NFATC2: variants seen among roughly 807,000 people sequenced by gnomAD.
The protein encoded by NFATC2 is nuclear factor of activated T-cells, cytoplasmic 2.
NFATC2 carries 22 observed loss-of-function variants against 87.3 expected under a neutral mutation model. The ratio of observed to expected loss-of-function variants is 0.25; its 90% CI spans 0.18 to 0.36. NFATC2 has a LOEUF of 0.36. Among genes scored for constraint, NFATC2 ranks in the 10% least tolerant of loss-of-function variants. The pLI is 1.00. For missense variants in NFATC2, 1,149 were observed against 1,259.1 expected (o/e 0.91, Z 1.32); for synonymous variants, 565 against 542.2 (o/e 1.04, Z -0.58).
chr20:51,473,639 C>T (rs566493501), intron 5 of NFATC2, among the ~76,000 whole-genome samples: 1 of 152,206 alleles, frequency 6.6e-6, no homozygotes, highest in Non-Finnish European at 1.5e-5. Context: ...GGGCACCATG[C>T]ACAGCAAACT....
Position 51,387,146 on chromosome 20 carries a change from G to A in NFATC2, c.*4350C>T, listed in dbSNP as rs905942927. On this transcript the variant is annotated 3_prime_UTR_variant, in exon 11 of 11. Transcript: ENST00000371564. ...TAAGCCTGCCAGCACCACCATGTTG[G>A]AGAGACCTGTTTGTTGGAGAATTGG... The A allele has an allele frequency of 2.0e-5, 3 of 152,216 alleles. No individual in the cohort carries two copies. The highest frequency in any genetic ancestry group is 7.2e-5 in the African/African-American group (3 of 41,442). The allele number at this position is 152,216 out of a possible 1,614,324, so 9.4% of individuals were successfully genotyped here. A position where few individuals can be genotyped will look rare whatever the true frequency, so the allele number is the denominator to read the frequency against.
intron 6 of NFATC2, among the ~76,000 whole-genome samples, chr20:51,436,096 G>C (rs1192493561): frequency 6.6e-6 from 1 of 152,086 alleles, no homozygotes; most frequent in Non-Finnish European, 1.5e-5. Flanking sequence ...AGATACTGAG[G>C]ACTAATGTAG....
At chr20:51,476,255 G>C (rs1988708950) in intron 3 of NFATC2, among the ~76,000 whole-genome samples, 1 of 118,964 alleles carries the variant, frequency 8.4e-6, no homozygotes, top group Non-Finnish European at 1.6e-5. Flanking sequence ...AGGCCCCAGT[G>C]TGTGATGTTC....
At chr20:51,561,484 A>AAAGAAAGAAAGAAAGAAAGC (rs2077029945) in intron 1 of NFATC2, among the ~76,000 whole-genome samples, 3 of 90,054 alleles carry the variant, frequency 3.3e-5, no homozygotes, top group Non-Finnish European at 6.6e-5. Flanking sequence ...AGAAAGAAAG[A>AAAGAAAGAAAGAAAGAAAGC]AAGCAAGCAA....
intron 9 of NFATC2, among the ~76,000 whole-genome samples, chr20:51,415,991 G>A (rs1979989201): frequency 6.6e-6 from 1 of 152,162 alleles, no homozygotes; most frequent in Non-Finnish European, 1.5e-5. Context: ...GCCAGGTGTG[G>A]TGACTCGTGC....
chr20:51,413,956 A>C (rs1247193533), intron 9 of NFATC2, among the ~76,000 whole-genome samples: 5 of 152,198 alleles, frequency 3.3e-5, no homozygotes, highest in Admixed American at 6.5e-5. Context: ...TGTCTGGTAA[A>C]CAGTAAACAT....
chr20:51,477,559 AT>A (rs1988838436), intron 3 of NFATC2, among the ~76,000 whole-genome samples: 6 of 122,410 alleles, frequency 4.9e-5, no homozygotes, highest in Admixed American at 8.2e-5. Context: ...ATATATATAT[AT>A]ATATATATAT....
At chr20:51,468,741 G>C (rs1219911806) in intron 5 of NFATC2, among the ~76,000 whole-genome samples, 2 of 152,224 alleles carry the variant, frequency 1.3e-5, no homozygotes, top group Non-Finnish European at 2.9e-5. Flanking sequence ...GTCTTTATAG[G>C]ACAGAGACTG....
intron 3 of NFATC2, among the ~76,000 whole-genome samples, chr20:51,515,935 T>C (rs2076344325): frequency 6.6e-6 from 1 of 152,072 alleles, no homozygotes; most frequent in South Asian, 2.1e-4. Flanking sequence ...AGAACCAAGT[T>C]TTATCATATT....
At chr20:51,554,360 G>C (rs2076960049) in intron 1 of NFATC2, among the ~76,000 whole-genome samples, 1 of 152,144 alleles carries the variant, frequency 6.6e-6, no homozygotes, top group African/African-American at 2.4e-5. Flanking sequence ...CAGGAGCTCT[G>C]CATCTGTTAG....
chr20:51,398,602 A>ACAGCTGGAAAACAAAAGGAGAAG, intron 10 of NFATC2, 41 bp downstream of exon 10: 1 of 1,453,602 alleles, frequency 6.9e-7, no homozygotes, highest in Non-Finnish European at 9.4e-7. Context: ...AAGGAAACAC[A>ACAGCTGGAAAACAAAAGGAGAAG]CAGCTGGAAA....
chr20:51,484,083 T>C (rs1418619386), intron 3 of NFATC2, among the ~76,000 whole-genome samples: 1 of 151,750 alleles, frequency 6.6e-6, no homozygotes, highest in East Asian at 1.9e-4. Context: ...CTTCTCCATC[T>C]CCCACCCACC....
intron 1 of NFATC2, among the ~76,000 whole-genome samples, chr20:51,541,423 T>C (rs897351854): frequency 6.6e-6 from 1 of 152,120 alleles, no homozygotes; most frequent in Non-Finnish European, 1.5e-5. Flanking sequence ...CACAGTGAGG[T>C]TGGGCGTGTG....
In NFATC2 at chr20:51,432,472, C is replaced by T. The variant is rs377351725; in HGVS notation, c.2317G>A (p.Ala773Thr). Reference sequence around the variant, plus strand: ...TGAGCGTCCGCAAGGGACAGCGGGGCGGCCATGAGGGCCGGCTGCTGATAG... The same window carrying T: ...TGAGCGTCCGCAAGGGACAGCGGGGTGGCCATGAGGGCCGGCTGCTGATAG... ...LGYQQPALMA[A>T]PLSLADAHRS... The change falls in exon 9 of 11, where the codon GCC (alanine) becomes ACC (threonine). Residue 773 changes from alanine (A) to threonine (T), a missense_variant. Transcript: ENST00000371564. This position sits in a 1 kb window ranked among gnomAD's most constrained non-coding sequence, Gnocchi z 4.6. 20 of 1,555,592 alleles carry T rather than the reference C, an allele frequency of 1.3e-5. No homozygotes were observed. The highest frequency in any genetic ancestry group is 9.7e-5 in the South Asian group (8 of 82,384).
chr20:51,461,659 G>T (rs1359947628), intron 5 of NFATC2, among the ~76,000 whole-genome samples: 1 of 152,236 alleles, frequency 6.6e-6, no homozygotes, highest in Non-Finnish European at 1.5e-5. Flanking sequence ...ACCGGCACAG[G>T]GTTCCCCCAC....
At chr20:51,437,569 C>T (rs1983753364) in intron 6 of NFATC2, among the ~76,000 whole-genome samples, 1 of 152,046 alleles carries the variant, frequency 6.6e-6, no homozygotes, top group Admixed American at 6.6e-5. Flanking sequence ...AAACATACTC[C>T]CACCCACCTC....
At chr20:51,447,025 T>C (rs1780167023) in intron 6 of NFATC2, among the ~76,000 whole-genome samples, 1 of 152,136 alleles carries the variant, frequency 6.6e-6, no homozygotes, top group Admixed American at 6.5e-5. Flanking sequence ...AGAGCAGGTG[T>C]CTGCTCTAAG....
chr20:51,491,935 T>G (rs1486393079), intron 3 of NFATC2, among the ~76,000 whole-genome samples: 3 of 93,572 alleles, frequency 3.2e-5, no homozygotes, highest in African/African-American at 1.2e-4. Flanking sequence ...GCCCCAGCCC[T>G]ACTCCCTGTG....
upstream of NFATC2, chr20:51,542,822 G>T: frequency 1.4e-6 from 1 of 710,674 alleles, no homozygotes; most frequent in Non-Finnish European, 1.7e-6. Flanking sequence ...CCAGGGGACC[G>T]GAGGGGAGGG....
Sources: allele counts gnomAD v4.1 joint callset (sites outside exome capture counted in the v4.1 genomes callset), GRCh38; gene constraint gnomAD v4.1.1; non-coding constraint Gnocchi (gnomAD v3.1); transcripts MANE v1.5; gene names NCBI Gene and HGNC (gene_info 2026-07-23, HGNC 2026-07-21).